The following RASIP1 variants were observed in gnomAD, a reference collection of about 807,000 sequenced individuals.
The protein encoded by RASIP1 is Ras interacting protein 1.
A neutral mutation model predicts 85.3 loss-of-function variants in RASIP1; 20 were observed. The ratio of observed to expected loss-of-function variants is 0.23; its 90% confidence interval spans 0.17 to 0.34. RASIP1 has a LOEUF of 0.34. Among genes scored for constraint, RASIP1 ranks in the 10% least tolerant of loss-of-function variants. RASIP1 has a pLI of 1.00. For missense variants in RASIP1, 1,170 were observed against 1,390.9 expected (o/e 0.84, Z 2.53); for synonymous variants, 617 against 647.1 (o/e 0.95, Z 0.71).
chr19:48,738,069 C>T lies in RASIP1; in HGVS notation c.823+891G>A, dbSNP rs1371968813. ...AAATTATTCTCATGTCTCGGCCTCC[C>T]GAGTAGCTGGGATTACAGGCATGCG... is the stretch of plus-strand genomic sequence containing the variant. On this transcript the variant is annotated intron_variant, in intron 3 of 11. Transcript: ENST00000222145. This position sits in a 1 kb window ranked among gnomAD's most constrained non-coding sequence, Gnocchi z 4.0. 5 of 478,224 alleles carry T rather than the reference C, an allele frequency of 1.0e-5. No homozygotes were observed. The highest frequency in any genetic ancestry group is 1.4e-5 in the Non-Finnish European group (5 of 366,854). The allele number at this position is 478,224 out of a possible 1,614,324, so 29.6% of individuals were successfully genotyped here.
At chr19:48,734,486 C>T (rs868540021) in intron 4 of RASIP1, among the ~76,000 whole-genome samples, 1,547 of 83,700 alleles carry the variant, frequency 0.018, 53 homozygotes, top group African/African-American at 0.079. Flanking sequence ...GCTTTTTTTT[C>T]TTTCTTTTTT....
At chr19:48,734,045 C>G (rs1478335670) in intron 4 of RASIP1, among the ~76,000 whole-genome samples, 1 of 151,892 alleles carries the variant, frequency 6.6e-6, no homozygotes, top group Non-Finnish European at 1.5e-5. Context: ...CCAGTAATCC[C>G]AGCACTTTGG....
chr19:48,727,339 G>T (rs374473888), intron 6 of RASIP1, 54 bp downstream of exon 6: 13 of 1,593,504 alleles, frequency 8.2e-6, no homozygotes, highest in African/African-American at 1.3e-5. Flanking sequence ...AGAACTAGAC[G>T]CAAAACCCAA....
Position 48,739,685 on chromosome 19 carries a change from C to A in RASIP1, c.138-40G>T. ...GGGAACAGAGTCGCGGGAGAGAGACCCAGGACGACACGCCAAGACGGGGGT... is the reference window on the plus strand; with the variant it reads ...GGGAACAGAGTCGCGGGAGAGAGACACAGGACGACACGCCAAGACGGGGGT... On this transcript the variant is annotated intron_variant, in intron 2 of 11. Coordinates refer to ENST00000222145, the MANE Select transcript of RASIP1 (RefSeq NM_017805.3). The surrounding 1 kb of genome is among the most constrained non-coding windows in gnomAD (Gnocchi z 9.2). 2 of 1,364,554 alleles carry A rather than the reference C, an allele frequency of 1.5e-6. No individual in the cohort carries two copies. Among genetic ancestry groups the A allele is most frequent in the South Asian group, 1.7e-5 (1 of 60,218 alleles). 84.5% of individuals were successfully genotyped at this position (1,364,554 alleles called of 1,614,324 possible). A position where few individuals can be genotyped will look rare whatever the true frequency, so the allele number is the denominator to read the frequency against.
rs1046999873 is a variant in RASIP1, at chr19:48,728,930, C to T, written c.1833+7G>A. Reference sequence around the variant, plus strand: ...GTGGGGCTGGACGGCGATTGGGGGGCGCTCACCCAGACGGCCTCCTTGATG... The same window carrying T: ...GTGGGGCTGGACGGCGATTGGGGGGTGCTCACCCAGACGGCCTCCTTGATG... On this transcript the variant is annotated splice_region_variant and intron_variant, in intron 5 of 11. Coordinates refer to ENST00000222145, the MANE Select transcript of RASIP1 (RefSeq NM_017805.3). 4.9e-6 allele frequency: 7 copies of T among 1,439,546 alleles called. No homozygotes were observed. In the African/African-American group the frequency reaches 9.0e-5, roughly 19 times the overall value. 89.2% of individuals were successfully genotyped at this position (1,439,546 alleles called of 1,614,324 possible).
At chr19:48,726,963 A>G in intron 7 of RASIP1, 44 bp downstream of exon 7, 1 of 1,612,648 alleles carries the variant, frequency 6.2e-7, no homozygotes, top group Non-Finnish European at 8.5e-7. Context: ...GGTGCAGGGC[A>G]TGATGGGAGA....
At chr19:48,723,559 C>CAAAAAAAAA (rs56200310) in intron 10 of RASIP1, among the ~76,000 whole-genome samples, 1 of 77,310 alleles carries the variant, frequency 1.3e-5, no homozygotes, top group African/African-American at 5.0e-5. Flanking sequence ...GACTCCGTCT[C>CAAAAAAAAA]AAAAAAAAAA....
Position 48,735,289 on chromosome 19 carries a change from G to C in RASIP1, c.1086C>G (p.Asp362Glu). 1 of 1,614,068 alleles carries C rather than the reference G, an allele frequency of 6.2e-7. No homozygotes were observed. Among genetic ancestry groups the C allele is most frequent in the Non-Finnish European group, 8.5e-7 (1 of 1,179,998 alleles). ...GAADAQIGTA[D>E]PGDFDQLTQC... ...GAGTCAACTGATCGAAGTCCCCGGG[G>C]TCTGCAGTTCCGATTTGGGCGTCGG... The change falls in exon 4 of 12, where the codon GAC becomes GAG. Residue 362 changes from aspartate (D) to glutamate (E), a missense_variant. Around this residue, in one of 4 missense-constraint regions of RASIP1, gnomAD observed 301 missense variants for 294.8 expected, o/e 1.02. Coordinates refer to ENST00000222145, the MANE Select transcript of RASIP1 (RefSeq NM_017805.3).
In RASIP1 at chr19:48,727,167, A is replaced by C; in HGVS notation, c.1872-9T>G. On this transcript the variant is annotated splice_polypyrimidine_tract_variant and intron_variant, in intron 6 of 11. Coordinates refer to ENST00000222145, the MANE Select transcript of RASIP1 (RefSeq NM_017805.3). ...GGACCCCCTCAGGGTGGCTTGAAAA[A>C]GAGGAAGGAATTTGTGATCCCTGCC... 6.2e-7 allele frequency: 1 copy of C among 1,613,428 alleles called. No homozygotes were observed. The highest frequency in any genetic ancestry group is 1.1e-5 in the South Asian group (1 of 91,046).
rs768020611 is a variant in RASIP1 at position 48,724,677 on chromosome 19, C to T, written c.2371+40G>A. 11 of 1,611,248 alleles carry T rather than the reference C, an allele frequency of 6.8e-6. No individual in the cohort carries two copies. The South Asian group carries it at 9.9e-5, about 15-fold the overall frequency. Reference sequence around the variant, plus strand: ...TAATATGACCTGAGTCTCAGTGGCTCCTGTCTTTGCCTCCCTGACAGCTCC... The same window carrying T: ...TAATATGACCTGAGTCTCAGTGGCTTCTGTCTTTGCCTCCCTGACAGCTCC... On this transcript the variant is annotated intron_variant, in intron 9 of 11. Coordinates refer to ENST00000222145, the MANE Select transcript of RASIP1 (RefSeq NM_017805.3). The surrounding 1 kb of genome is among the most constrained non-coding windows in gnomAD (Gnocchi z 4.6).
Position 48,739,093 on chromosome 19 carries a change from GC to G in RASIP1, c.689del (p.Gly230AlafsTer140). On this transcript the variant is annotated frameshift_variant, in exon 3 of 12. Coordinates refer to ENST00000222145, the MANE Select transcript of RASIP1 (RefSeq NM_017805.3). LOFTEE classifies it high-confidence loss of function. This position sits in a 1 kb window ranked among gnomAD's most constrained non-coding sequence, Gnocchi z 9.2. ...GCACCAGCAGCGGGCGCTCGGAGTC[GC>G]CCAGCACGCGCAGGTGCTCCGCCCG... ...EWRAEHLRVL[G>X]DSERPLLVQE... 7.6e-7 allele frequency: 1 copy of G among 1,311,328 alleles called. No homozygotes were observed. The allele number at this position is 1,311,328 out of a possible 1,614,324, so 81.2% of individuals were successfully genotyped here.
At chr19:48,726,106 T>A (rs1052896704) in intron 8 of RASIP1, among the ~76,000 whole-genome samples, 1 of 152,102 alleles carries the variant, frequency 6.6e-6, no homozygotes, top group Admixed American at 6.6e-5. Context: ...TTTGTATTTT[T>A]AGTAGAGACG....
Position 48,724,919 on chromosome 19 carries a change from A to G in RASIP1, c.2169T>C (p.Pro723=). The G allele has an allele frequency of 6.2e-7, 1 of 1,614,180 alleles. No individual in the cohort carries two copies. Among genetic ancestry groups the G allele is most frequent in the Non-Finnish European group, 8.5e-7 (1 of 1,180,038 alleles). The stretch of plus-strand genomic sequence containing the variant: ...CCGGCAGCTCTGCACCAGCTGTGAA[A>G]GGGTTACTATCCAGGAGAGCAGGCA... The part of the protein sequence containing the change: ...STLPALLDSN[P]FTAGAELPGP... The change falls in exon 9 of 12, where the codon CCT becomes CCC. Residue 723 remains proline, a synonymous_variant. Coordinates refer to ENST00000222145, the MANE Select transcript of RASIP1 (RefSeq NM_017805.3). The surrounding 1 kb of genome is among the most constrained non-coding windows in gnomAD (Gnocchi z 4.6).
Position 48,735,308 on chromosome 19 carries a change from G to A in RASIP1, c.1067C>T (p.Ala356Val), listed in dbSNP as rs750121758. 12 of 1,613,828 alleles carry A rather than the reference G, an allele frequency of 7.4e-6. No homozygotes were observed. The East Asian group carries it at 1.3e-4, about 18-fold the overall frequency. Residue 356 changes from alanine to valine, a missense_variant, in exon 4 of 12, where the codon GCC (alanine) becomes GTC (valine). By Grantham distance (64) the Ala-to-Val change is moderately conservative. Coordinates refer to ENST00000222145, the MANE Select transcript of RASIP1 (RefSeq NM_017805.3). ...CCCGGGGTCTGCAGTTCCGATTTGG[G>A]CGTCGGCTGCCCCTGGGGCCATGCT... The part of the protein sequence containing the change: ...ALSMAPGAAD[A>V]QIGTADPGDF...
chr19:48,724,509 C>T lies in RASIP1; in HGVS notation c.2372G>A (p.Gly791Asp). The change falls in exon 10 of 12, where the codon GGT becomes GAT. Residue 791 changes from glycine (G) to aspartate (D), a missense_variant and splice_region_variant. This residue lies in a region of RASIP1 where 426 missense variants were observed against 576.2 expected (regional missense o/e 0.74). Coordinates refer to ENST00000222145, the MANE Select transcript of RASIP1 (RefSeq NM_017805.3). This position sits in a 1 kb window ranked among gnomAD's most constrained non-coding sequence, Gnocchi z 4.6. Reference sequence around the variant, plus strand: ...CCATTGATAGAAAGGCCGGCCTTGACCTGTGGGTGTTAAAGGTATGAGAGG... The same window carrying T: ...CCATTGATAGAAAGGCCGGCCTTGATCTGTGGGTGTTAAAGGTATGAGAGG... ...ASLLNSLMER[G>D]QGRPFYQWSR... 6.2e-7 allele frequency: 1 copy of T among 1,613,608 alleles called. No homozygotes were observed. Among genetic ancestry groups the T allele is most frequent in the Non-Finnish European group, 8.5e-7 (1 of 1,179,686 alleles).
rs1260556089 is a variant in RASIP1, at chr19:48,727,448, C to G, written c.1834-18G>C. 6.2e-7 allele frequency: 1 copy of G among 1,612,726 alleles called. No homozygotes were observed. The highest frequency in any genetic ancestry group is 8.5e-7 in the Non-Finnish European group (1 of 1,178,876). On this transcript the variant is annotated intron_variant, in intron 5 of 11. Coordinates refer to ENST00000222145, the MANE Select transcript of RASIP1 (RefSeq NM_017805.3). ...ATCTTTTCCTGTGGAACAGTAAGAT[C>G]AGAATCAAGGTGAGGGGGATCCACT...
chr19:48,729,860 G>A (rs559998658), intron 4 of RASIP1, among the ~76,000 whole-genome samples: 1 of 151,532 alleles, frequency 6.6e-6, no homozygotes, highest in South Asian at 2.1e-4. Flanking sequence ...GAGTACAGGC[G>A]CCTGCCACCA....
Position 48,740,379 on chromosome 19 carries a change from G to A in RASIP1, c.-4-93C>T. On this transcript the variant is annotated intron_variant, in intron 1 of 11. Transcript: ENST00000222145. The surrounding 1 kb of genome is among the most constrained non-coding windows in gnomAD (Gnocchi z 5.5). ...GACTCCGAGTCAGAGGGAGGAGGGG[G>A]CTGGGGCTCAGACTTGCGAGTCCAG... 6.8e-7 allele frequency: 1 copy of A among 1,473,688 alleles called. No homozygotes were observed. 91.3% of individuals were successfully genotyped at this position (1,473,688 alleles called of 1,614,324 possible).
intron 10 of RASIP1, among the ~76,000 whole-genome samples, 156 bp from the exon 11 acceptor site, chr19:48,722,157 A>G (rs943469487): frequency 3.3e-5 from 5 of 152,128 alleles, no homozygotes; most frequent in Non-Finnish European, 7.3e-5. Context: ...CACCAAAGTG[A>G]TGGTGGGGAA....
Sources: gnomAD v4.1 joint callset for allele counts (sites outside exome capture counted in the v4.1 genomes callset) on GRCh38, gnomAD v4.1.1 for gene constraint, gnomAD v4.1.1 regional missense constraint, Gnocchi (gnomAD v3.1) non-coding constraint, MANE v1.5 for transcripts, NCBI Gene and HGNC (gene_info 2026-07-23, HGNC 2026-07-21) for gene names.